The following PDE4D variants were observed in gnomAD, a reference collection of about 807,000 sequenced individuals.
The protein encoded by PDE4D is 3',5'-cyclic-AMP phosphodiesterase 4D.
A neutral mutation model predicts 87.4 loss-of-function variants in PDE4D; 24 were observed. The observed-to-expected ratio is 0.27, with a 90% confidence interval of 0.20 to 0.39. PDE4D has a LOEUF of 0.39. Among genes scored for constraint, PDE4D ranks in the 10% least tolerant of loss-of-function variants. The pLI is 1.00. For missense variants in PDE4D, 714 were observed against 1,041.0 expected (o/e 0.69, Z 4.32); for synonymous variants, 384 against 383.2 (o/e 1.00, Z -0.02).
At chr5:59,837,750 T>C (rs74398582) in intron 1 of PDE4D, among the ~76,000 whole-genome samples, 3,758 of 152,082 alleles carry the variant, frequency 0.025, 148 homozygotes, top group African/African-American at 0.086. Context: ...AAGGACATAC[T>C]AACAGATTCG....
chr5:59,218,551 T>C (rs1351021674), intron 1 of PDE4D, among the ~76,000 whole-genome samples: 1 of 152,168 alleles, frequency 6.6e-6, no homozygotes, highest in African/African-American at 2.4e-5. Context: ...AAGTGCTTGA[T>C]ATGAGATATT....
At chr5:60,016,651 A>C (rs1359324568) in intron 2 of PDE4D, among the ~76,000 whole-genome samples, 2 of 152,194 alleles carry the variant, frequency 1.3e-5, no homozygotes, top group Admixed American at 6.5e-5. Flanking sequence ...CAGCGTCTTC[A>C]TCAGATGTAG....
chr5:60,259,586 T>C (rs1459801887), intron 1 of PDE4D, among the ~76,000 whole-genome samples: 2 of 152,106 alleles, frequency 1.3e-5, no homozygotes, highest in African/African-American at 4.8e-5. Context: ...ATCATAGATA[T>C]CATCTTGACT....
intron 2 of PDE4D, among the ~76,000 whole-genome samples, chr5:60,083,796 A>C (rs1774237110): frequency 6.6e-6 from 1 of 152,246 alleles, no homozygotes; most frequent in Admixed American, 6.5e-5. Context: ...TTAGAACTTT[A>C]AGTAACAGTC....
intron 1 of PDE4D, among the ~76,000 whole-genome samples, chr5:59,496,814 G>A (rs374025915): frequency 6.6e-5 from 10 of 152,084 alleles, no homozygotes; most frequent in Non-Finnish European, 1.2e-4. Flanking sequence ...TCTCCCCAGC[G>A]GAACCGAGAG....
chr5:59,895,162 A>G (rs1311856133), upstream of PDE4D, among the ~76,000 whole-genome samples: 1 of 152,202 alleles, frequency 6.6e-6, no homozygotes, highest in African/African-American at 2.4e-5. Context: ...CCATGTCTCA[A>G]ACTCTCTAGA....
chr5:59,706,073 AT>A (rs1031084431), intron 1 of PDE4D, among the ~76,000 whole-genome samples: 2 of 152,090 alleles, frequency 1.3e-5, no homozygotes, highest in African/African-American at 4.8e-5. Flanking sequence ...TCTTTCAGAG[AT>A]TTTTTTATGT....
chr5:59,552,471 A>G (rs294481), intron 1 of PDE4D, among the ~76,000 whole-genome samples: 129,206 of 152,084 alleles, frequency 0.85, 55,122 homozygotes, highest in South Asian at 0.92. Context: ...ATAACTATAC[A>G]ACTTCCCAAA....
chr5:60,423,192 G>A (rs1016577874), intron 1 of PDE4D, among the ~76,000 whole-genome samples: 3 of 152,072 alleles, frequency 2.0e-5, no homozygotes, highest in African/African-American at 7.2e-5. Context: ...CAACAAGCGG[G>A]CCTAATAGAC....
intron 1 of PDE4D, among the ~76,000 whole-genome samples, chr5:60,415,661 C>A (rs1433244502): frequency 6.6e-6 from 1 of 152,208 alleles, no homozygotes; most frequent in Non-Finnish European, 1.5e-5. Flanking sequence ...GGGCAGGGCT[C>A]GGGACCTGCA....
chr5:60,239,910 T>C (rs1018010155), intron 1 of PDE4D, among the ~76,000 whole-genome samples: 4 of 152,092 alleles, frequency 2.6e-5, no homozygotes, highest in Non-Finnish European at 4.4e-5. Context: ...TCTATCTACC[T>C]TTTATTTATT....
intron 3 of PDE4D, among the ~76,000 whole-genome samples, chr5:59,189,250 TTTG>T (rs796427743): frequency 3.9e-5 from 4 of 103,832 alleles, no homozygotes; most frequent in Admixed American, 1.1e-4. Context: ...TTTTGTTTTT[TTTG>T]TTTTTTTTTT....
At chr5:60,159,184 A>G (rs1445701031) in intron 2 of PDE4D, among the ~76,000 whole-genome samples, 1 of 152,166 alleles carries the variant, frequency 6.6e-6, no homozygotes, top group Non-Finnish European at 1.5e-5. Context: ...TTCTACCTCC[A>G]CATCTTGTCC....
intron 1 of PDE4D, among the ~76,000 whole-genome samples, chr5:59,344,460 T>A (rs1779299929): frequency 2.0e-5 from 3 of 152,180 alleles, no homozygotes; most frequent in South Asian, 2.1e-4. Flanking sequence ...TGGAGTACAC[T>A]CCTGTGATCA....
At chr5:59,584,410 T>C (rs1697712851) in intron 1 of PDE4D, among the ~76,000 whole-genome samples, 2 of 152,174 alleles carry the variant, frequency 1.3e-5, no homozygotes, top group African/African-American at 2.4e-5. Flanking sequence ...TTGGCTTAGT[T>C]TGGCCACAAC....
intron 1 of PDE4D, among the ~76,000 whole-genome samples, chr5:59,791,460 A>G (rs62370541): frequency 0.029 from 4,483 of 152,332 alleles, 103 homozygotes; most frequent in Middle Eastern, 0.075. Flanking sequence ...GTGTTTTAGA[A>G]TGAAGACATT....
intron 1 of PDE4D, among the ~76,000 whole-genome samples, chr5:60,453,770 G>A (rs908764806): frequency 3.3e-5 from 5 of 152,108 alleles, no homozygotes; most frequent in Admixed American, 3.3e-4. Context: ...CCTCTCTGCA[G>A]TAACTTGTCT....
intron 2 of PDE4D, among the ~76,000 whole-genome samples, chr5:60,143,603 T>TTTTGTGTGTGTGTG (rs1780730543): frequency 1.1e-4 from 13 of 117,692 alleles, no homozygotes; most frequent in African/African-American, 3.7e-4. Context: ...AGCTTGGGAA[T>TTTTGTGTGTGTGTG]TGTGTGTGTG....
At chr5:60,000,303 T>A (rs1449597936) in intron 2 of PDE4D, among the ~76,000 whole-genome samples, 2 of 151,896 alleles carry the variant, frequency 1.3e-5, no homozygotes, top group African/African-American at 4.8e-5. Context: ...CTGTCAAATA[T>A]CAAAGACAAA....
Sources: allele counts gnomAD v4.1 joint callset (sites outside exome capture counted in the v4.1 genomes callset), GRCh38; gene constraint gnomAD v4.1.1; transcripts MANE v1.5; gene names NCBI Gene and HGNC (gene_info 2026-07-23, HGNC 2026-07-21).